KLF3: variants seen among roughly 807,000 people sequenced by gnomAD.
The protein encoded by KLF3 is Krueppel-like factor 3.
KLF3 carries 6 observed loss-of-function variants against 32.7 expected under a neutral mutation model. The observed-to-expected ratio is 0.18, with a 90% CI of 0.10 to 0.36. KLF3 has a LOEUF of 0.36. KLF3 is among the 10% of genes least tolerant of loss of function. KLF3 has a pLI of 1.00. For synonymous variants in KLF3, 145 were observed against 172.8 expected (o/e 0.84, Z 1.26); for missense variants, 338 against 449.7 (o/e 0.75, Z 2.25).
chr4:38,689,218 C>G, intron 3 of KLF3, 147 bp downstream of exon 3: 2 of 1,002,544 alleles, frequency 2.0e-6, no homozygotes, highest in Non-Finnish European at 2.9e-6. Context: ...CTTCCCCCGC[C>G]CCCCCAAAGT....
In KLF3 at chr4:38,680,596, C is replaced by G. The variant is rs1722491788; in HGVS notation, c.-30C>G. 3.2e-6 allele frequency: 5 copies of G among 1,582,820 alleles called. No individual in the cohort carries two copies. The East Asian group carries it at 1.1e-4, about 35-fold the overall frequency. ...TTGTTTTGTTTTCTAGGCCAAACAC[C>G]AGAGCACCCTAGAAGGTTTAACTAA... is the stretch of plus-strand genomic sequence containing the variant. On this transcript the variant is annotated 5_prime_UTR_variant, in exon 2 of 6. Transcript: ENST00000261438.
At chr4:38,670,771 T>A (rs1722176720) in intron 1 of KLF3, among the ~76,000 whole-genome samples, 1 of 152,260 alleles carries the variant, frequency 6.6e-6, no homozygotes, top group Admixed American at 6.5e-5. Context: ...GTAGGACACC[T>A]GGTGTACCAT....
intron 1 of KLF3, among the ~76,000 whole-genome samples, chr4:38,670,994 C>T (rs1722182171): frequency 6.6e-6 from 1 of 152,232 alleles, no homozygotes; most frequent in South Asian, 2.1e-4. Flanking sequence ...TAATTGCCTG[C>T]TGGAACCTCC....
Position 38,700,548 on chromosome 4 carries a change from T to C in KLF3, c.*3285T>C, listed in dbSNP as rs1723169015. ...ATCGCAAATTCACCTAAACAATACA[T>C]TTACAAAGCCATCTTTACATGCATT... On this transcript the variant is annotated 3_prime_UTR_variant, in exon 6 of 6. Transcript: ENST00000261438. 1.3e-5 allele frequency: 2 copies of C among 152,260 alleles called. No individual in the cohort carries two copies. The highest frequency in any genetic ancestry group is 2.9e-5 in the Non-Finnish European group (2 of 68,042). 9.4% of individuals were successfully genotyped at this position (152,260 alleles called of 1,614,324 possible).
Position 38,700,198 on chromosome 4 carries a change from T to G in KLF3, c.*2935T>G, listed in dbSNP as rs1723159330. 6.6e-6 allele frequency: 1 copy of G among 152,188 alleles called. No homozygotes were observed. Among genetic ancestry groups the G allele is most frequent in the Non-Finnish European group, 1.5e-5 (1 of 68,022 alleles). The allele number at this position is 152,188 out of a possible 1,614,324, so 9.4% of individuals were successfully genotyped here. On this transcript the variant is annotated 3_prime_UTR_variant, in exon 6 of 6. Coordinates refer to ENST00000261438, the MANE Select transcript of KLF3 (RefSeq NM_016531.6). The stretch of plus-strand genomic sequence containing the variant: ...TGTTAGCAGCATAGCTATATTCAAC[T>G]AGGGAGATGCTAAATACACAGAAGT...
chr4:38,697,055 A>G, intron 5 of KLF3, 27 bp from the exon 6 acceptor site: 1 of 1,549,908 alleles, frequency 6.5e-7, no homozygotes. Flanking sequence ...GAAAAAAAAA[A>G]TAGCTCTTTT....
intron 5 of KLF3, 115 bp from the exon 6 acceptor site, chr4:38,696,967 T>A: frequency 2.4e-6 from 2 of 847,372 alleles, no homozygotes; most frequent in Non-Finnish European, 3.6e-6. Context: ...CACTGTGTTA[T>A]TGAAGAACAA....
Position 38,699,224 on chromosome 4 carries a change from C to G in KLF3, c.*1961C>G, listed in dbSNP as rs572291133. ...AGGATACTAAAACATCCTAATTGGG[C>G]TGTTTTTTTGTTTTGTTTTGTTTTT... is the stretch of plus-strand genomic sequence containing the variant. On this transcript the variant is annotated 3_prime_UTR_variant, in exon 6 of 6. Coordinates refer to ENST00000261438, the MANE Select transcript of KLF3 (RefSeq NM_016531.6). The G allele has an allele frequency of 3.3e-5, 5 of 151,938 alleles. No individual in the cohort carries two copies. The South Asian group carries it at 1.0e-3, about 32-fold the overall frequency. 9.4% of individuals were successfully genotyped at this position (151,938 alleles called of 1,614,324 possible). A position where few individuals can be genotyped will look rare whatever the true frequency, so the allele number is the denominator to read the frequency against.
chr4:38,665,997 A>C (rs1156978076), intron 1 of KLF3, among the ~76,000 whole-genome samples: 1 of 152,236 alleles, frequency 6.6e-6, no homozygotes, highest in African/African-American at 2.4e-5. Flanking sequence ...GAGGTATGTT[A>C]GTTGACCTTA....
At chr4:38,672,999 G>T (rs923172640) in intron 1 of KLF3, among the ~76,000 whole-genome samples, 2 of 152,150 alleles carry the variant, frequency 1.3e-5, no homozygotes, top group Non-Finnish European at 2.9e-5. Context: ...GGTAGGGTTG[G>T]TTTGGGCCAC....
intron 1 of KLF3, among the ~76,000 whole-genome samples, chr4:38,679,556 G>A (rs966909319): frequency 2.0e-5 from 3 of 152,170 alleles, no homozygotes; most frequent in Admixed American, 1.3e-4. Context: ...AAAATTAATG[G>A]TGTGCAGGAG....
chr4:38,678,524 A>C (rs913816830), intron 1 of KLF3, among the ~76,000 whole-genome samples: 1 of 152,210 alleles, frequency 6.6e-6, no homozygotes, highest in African/African-American at 2.4e-5. Context: ...GGAAAATATA[A>C]TTTTGAAGTC....
chr4:38,683,415 G>A (rs970651593), intron 2 of KLF3, among the ~76,000 whole-genome samples: 8 of 151,956 alleles, frequency 5.3e-5, no homozygotes, highest in Non-Finnish European at 1.2e-4. Flanking sequence ...TTCTCCACTA[G>A]CCTTGTGCTT....
In KLF3 at chr4:38,680,618, C is replaced by G. The variant is rs899081992; in HGVS notation, c.-8C>G. ...CACCAGAGCACCCTAGAAGGTTTAACTAAAAGAATGCTCATGTTTGACCCA... is the reference window on the plus strand; with the variant it reads ...CACCAGAGCACCCTAGAAGGTTTAAGTAAAAGAATGCTCATGTTTGACCCA... On this transcript the variant is annotated 5_prime_UTR_variant, in exon 2 of 6. Transcript: ENST00000261438. 3.1e-6 allele frequency: 5 copies of G among 1,611,752 alleles called. No individual in the cohort carries two copies. The highest frequency in any genetic ancestry group is 1.1e-5 in the South Asian group (1 of 91,040).
chr4:38,680,221 GT>G (rs928163428), intron 1 of KLF3, among the ~76,000 whole-genome samples: 25 of 148,998 alleles, frequency 1.7e-4, no homozygotes, highest in African/African-American at 2.5e-4. Flanking sequence ...ATTTATTTAT[GT>G]TTTTTTTTTG....
chr4:38,688,323 A>T lies in KLF3; in HGVS notation c.58-262A>T, dbSNP rs763241332. Among the ~76,000 whole-genome samples, 2 of 152,156 alleles carry T rather than the reference A, an allele frequency of 1.3e-5. No individual in the cohort carries two copies. The highest frequency in any genetic ancestry group is 2.9e-5 in the Non-Finnish European group (2 of 68,028). On this transcript the variant is annotated intron_variant, in intron 2 of 5. Coordinates refer to ENST00000261438, the MANE Select transcript of KLF3 (RefSeq NM_016531.6). The surrounding 1 kb of genome is among the most constrained non-coding windows in gnomAD (Gnocchi z 4.9). Reference sequence around the variant, plus strand: ...TGTTTGACACAGGAATCATCTTAGGATTAAATTTCAGATTTTTCATCTGCA... The same window carrying T: ...TGTTTGACACAGGAATCATCTTAGGTTTAAATTTCAGATTTTTCATCTGCA...
rs985663067 is a variant in KLF3, at chr4:38,688,120, G to A, written c.58-465G>A. ...TATCCTGAGAAAGAGCTGTCCTGCCGAAGTTAGACATCAAAGCTAGAGAGC... is the reference window on the plus strand; with the variant it reads ...TATCCTGAGAAAGAGCTGTCCTGCCAAAGTTAGACATCAAAGCTAGAGAGC... On this transcript the variant is annotated intron_variant, in intron 2 of 5. Transcript: ENST00000261438. The surrounding 1 kb of genome is among the most constrained non-coding windows in gnomAD (Gnocchi z 4.9). Among the ~76,000 whole-genome samples the A allele has an allele frequency of 9.9e-5, 15 of 152,174 alleles. No homozygotes were observed. The highest frequency in any genetic ancestry group is 4.8e-5 in the African/African-American group (2 of 41,440).
intron 1 of KLF3, among the ~76,000 whole-genome samples, chr4:38,672,299 G>A (rs1377361840): frequency 6.6e-6 from 1 of 152,208 alleles, no homozygotes; most frequent in Non-Finnish European, 1.5e-5. Context: ...GATCTCCTGT[G>A]GGGAGTGGGG....
rs372969202 is a variant in KLF3 at position 38,688,757 on chromosome 4, A to G, written c.230A>G (p.Asn77Ser). 3 of 1,614,020 alleles carry G rather than the reference A, an allele frequency of 1.9e-6. No homozygotes were observed. The highest frequency in any genetic ancestry group is 2.7e-5 in the African/African-American group (2 of 74,902). The part of the protein sequence containing the change: ...NKRSSPPSAG[N>S]SPSSLKFPSS... The stretch of plus-strand genomic sequence containing the variant: ...CGGAGTTCACCCCCTTCGGCTGGGA[A>G]TTCGCCCTCCTCTCTGAAGTTCCCG... Residue 77 changes from asparagine (N) to serine (S), a missense_variant, in exon 3 of 6, where the codon AAT becomes AGT. By Grantham distance (46) the Asn-to-Ser change is conservative. Transcript: ENST00000261438. This position sits in a 1 kb window ranked among gnomAD's most constrained non-coding sequence, Gnocchi z 4.9.
Sources: allele counts gnomAD v4.1 joint callset (sites outside exome capture counted in the v4.1 genomes callset), GRCh38; gene constraint gnomAD v4.1.1; non-coding constraint Gnocchi (gnomAD v3.1); transcripts MANE v1.5; gene names NCBI Gene and HGNC (gene_info 2026-07-23, HGNC 2026-07-21).